The following PPP1R13L variants were observed in gnomAD, a reference collection of about 807,000 sequenced individuals.
PPP1R13L encodes the protein relA-associated inhibitor.
A neutral mutation model predicts 80.9 loss-of-function variants in PPP1R13L; 50 were observed. That is an observed-to-expected ratio of 0.62 (90% CI 0.49 to 0.78). PPP1R13L has a LOEUF of 0.78. PPP1R13L is among the 30% of genes least tolerant of loss of function. The pLI is 0.00. For synonymous variants in PPP1R13L, 602 were observed against 534.3 expected (o/e 1.13, Z -1.75); for missense variants, 1,200 against 1,205.9 (o/e 1.00, Z 0.07).
chr19:45,392,368 A>G, intron 7 of PPP1R13L, 28 bp from the exon 8 acceptor site: 1 of 1,607,148 alleles, frequency 6.2e-7, no homozygotes, highest in Non-Finnish European at 8.5e-7. Context: ...CCATCAGAGG[A>G]CAGGTCCCCA....
intron 8 of PPP1R13L, among the ~76,000 whole-genome samples, chr19:45,388,926 C>A (rs1032999652): frequency 1.3e-5 from 2 of 151,678 alleles, no homozygotes; most frequent in Non-Finnish European, 2.9e-5. Context: ...TTAGCAGAGA[C>A]GGGGTTTCAC....
At chr19:45,383,053 G>A (rs1972797590) in intron 11 of PPP1R13L, among the ~76,000 whole-genome samples, 1 of 147,518 alleles carries the variant, frequency 6.8e-6, no homozygotes, top group South Asian at 2.1e-4. Context: ...GGAGTGCAGT[G>A]GCACGATCTC....
chr19:45,387,522 G>A (rs1307186340), intron 8 of PPP1R13L, among the ~76,000 whole-genome samples: 4 of 152,088 alleles, frequency 2.6e-5, no homozygotes, highest in Non-Finnish European at 5.9e-5. Flanking sequence ...TTCTATGATG[G>A]AGAACTTTAA....
rs565563686 is a variant in PPP1R13L at position 45,396,507 on chromosome 19, C to T, written c.712+38G>A. ...CCCCGGATCCTGCCCGCTTTGACCC[C>T]GCGAGTCAAAGGCCCCGCGAGGGGC... On this transcript the variant is annotated intron_variant, in intron 4 of 12. Coordinates refer to ENST00000360957, the MANE Select transcript of PPP1R13L (RefSeq NM_006663.4). This position sits in a 1 kb window ranked among gnomAD's most constrained non-coding sequence, Gnocchi z 5.3. 1.2e-6 allele frequency: 2 copies of T among 1,603,566 alleles called. No individual in the cohort carries two copies. Among genetic ancestry groups the T allele is most frequent in the South Asian group, 2.2e-5 (2 of 90,626 alleles).
Position 45,392,360 on chromosome 19 carries a change from A to T in PPP1R13L, c.1355-20T>A, listed in dbSNP as rs768957050. 3 of 1,610,676 alleles carry T rather than the reference A, an allele frequency of 1.9e-6. No individual in the cohort carries two copies. Among genetic ancestry groups the T allele is most frequent in the Non-Finnish European group, 2.5e-6 (3 of 1,178,148 alleles). The stretch of plus-strand genomic sequence containing the variant: ...GGGGTCCTAGCCGGAACAAGAGCCC[A>T]TCAGAGGACAGGTCCCCAGGAGACA... On this transcript the variant is annotated intron_variant, in intron 7 of 12. Transcript: ENST00000360957.
At chr19:45,401,784 G>T (rs182014880) in intron 1 of PPP1R13L, among the ~76,000 whole-genome samples, 1 of 146,394 alleles carries the variant, frequency 6.8e-6, no homozygotes, top group Non-Finnish European at 1.5e-5. Context: ...AAAAGCATGA[G>T]TAAGAAGTCA....
At chr19:45,383,749 C>CTTTCTTTTCTTTTCT (rs530369634) in intron 11 of PPP1R13L, among the ~76,000 whole-genome samples, 53 of 152,056 alleles carry the variant, frequency 3.5e-4, no homozygotes, top group African/African-American at 1.3e-3. Flanking sequence ...TCATCTGCCT[C>CTTTCTTTTCTTTTCT]TTTCTTTTCT....
chr19:45,395,396 C>T, intron 7 of PPP1R13L, 40 bp downstream of exon 7: 1 of 1,569,774 alleles, frequency 6.4e-7, no homozygotes, highest in Non-Finnish European at 8.6e-7. Flanking sequence ...CATTTGTCCT[C>T]CCTTCACCCA....
At chr19:45,391,093 G>C (rs916834425) in intron 8 of PPP1R13L, among the ~76,000 whole-genome samples, 1 of 152,056 alleles carries the variant, frequency 6.6e-6, no homozygotes, top group African/African-American at 2.4e-5. Context: ...AGCTACTTGG[G>C]AAGCTAAAGC....
chr19:45,382,767 GGGGGTCCAGGAACAGGGGCCACGT>G (rs573203477), intron 11 of PPP1R13L, 41 bp from the exon 12 acceptor site: 1 of 1,605,186 alleles, frequency 6.2e-7, no homozygotes, highest in Admixed American at 1.7e-5. Context: ...GCCTGGCCCA[GGGGGTCCAGGAACAGGGGCCACGT>G]GGGGTCCAGG....
chr19:45,386,267 TGTG>T (rs1972868008), intron 8 of PPP1R13L, 87 bp from the exon 9 acceptor site: 1 of 1,403,178 alleles, frequency 7.1e-7, no homozygotes, highest in South Asian at 1.6e-5. Flanking sequence ...TCCAGGGACT[TGTG>T]GCACCCATCT....
chr19:45,390,077 C>A (rs912754175), intron 8 of PPP1R13L, among the ~76,000 whole-genome samples: 3 of 150,630 alleles, frequency 2.0e-5, no homozygotes, highest in Non-Finnish European at 4.4e-5. Context: ...AGGCATGAAC[C>A]ACCACGCCCG....
intron 1 of PPP1R13L, chr19:45,402,178 T>G (rs1973246225): frequency 6.6e-6 from 1 of 152,102 alleles, no homozygotes; most frequent in Non-Finnish European, 1.5e-5. Flanking sequence ...CAAACAATAC[T>G]TTGTTAACTG....
intron 11 of PPP1R13L, among the ~76,000 whole-genome samples, chr19:45,383,483 C>G (rs991338415): frequency 2.7e-5 from 4 of 150,632 alleles, no homozygotes; most frequent in African/African-American, 9.8e-5. Context: ...TTAGTAGAGA[C>G]GGGGTTTCAC....
chr19:45,396,364 T>G lies in PPP1R13L; in HGVS notation c.785A>C (p.Lys262Thr). 1 of 1,614,084 alleles carries G rather than the reference T, an allele frequency of 6.2e-7. No individual in the cohort carries two copies. The highest frequency in any genetic ancestry group is 1.1e-5 in the South Asian group (1 of 91,082). ...TTCATAGCTCGCTGTCTGCGAAGGC[T>G]TCTTCTCGTACGCCACGTCCAGGTC... Reference protein sequence around the residue: ...ESDLDVAYEKKPSQTASYERL... With the variant: ...ESDLDVAYEKTPSQTASYERL... Residue 262 changes from lysine to threonine, a missense_variant, in exon 5 of 13, where the codon AAG (lysine) becomes ACG (threonine). Transcript: ENST00000360957. The surrounding 1 kb of genome is among the most constrained non-coding windows in gnomAD (Gnocchi z 5.3).
chr19:45,381,379 A>G (rs956066077), intron 12 of PPP1R13L, among the ~76,000 whole-genome samples: 1 of 151,770 alleles, frequency 6.6e-6, no homozygotes, highest in Non-Finnish European at 1.5e-5. Flanking sequence ...TCCTTCTTGT[A>G]CATTGCTGAA....
At chr19:45,394,781 G>C (rs987374049) in intron 7 of PPP1R13L, 1 of 148,794 alleles carries the variant, frequency 6.7e-6, no homozygotes, top group African/African-American at 2.5e-5. Context: ...CCCATCAGGT[G>C]CTGTTTTAAA....
intron 1 of PPP1R13L, among the ~76,000 whole-genome samples, chr19:45,399,611 G>A (rs1296249989): frequency 6.8e-6 from 1 of 147,842 alleles, no homozygotes; most frequent in Non-Finnish European, 1.5e-5. Flanking sequence ...GCGACAGTGC[G>A]AGACTCCGTC....
intron 8 of PPP1R13L, among the ~76,000 whole-genome samples, chr19:45,388,130 C>G (rs946069146): frequency 6.6e-6 from 1 of 151,210 alleles, no homozygotes; most frequent in Non-Finnish European, 1.5e-5. Flanking sequence ...ATGGCACCAT[C>G]GCACTCCAGC....
Sources: gnomAD v4.1 joint callset for allele counts (sites outside exome capture counted in the v4.1 genomes callset) on GRCh38, gnomAD v4.1.1 for gene constraint, Gnocchi (gnomAD v3.1) non-coding constraint, MANE v1.5 for transcripts, NCBI Gene and HGNC (gene_info 2026-07-23, HGNC 2026-07-21) for gene names.